The following HYDIN variants were observed in gnomAD, a reference collection of about 807,000 sequenced individuals.
HYDIN encodes the protein axonemal central pair apparatus protein HYDIN.
A neutral mutation model predicts 403.9 loss-of-function variants in HYDIN; 132 were observed. The ratio of observed to expected loss-of-function variants is 0.33; its 90% CI spans 0.28 to 0.38. The LOEUF is 0.38. Among genes scored for constraint, HYDIN ranks in the 10% least tolerant of loss-of-function variants. The probability of loss-of-function intolerance (pLI) is 1.00; values close to 1 mark genes in which losing one functional copy is unlikely to be tolerated. For synonymous variants in HYDIN, 1,202 were observed against 1,891.7 expected (o/e 0.64, Z 9.46); for missense variants, 2,827 against 5,009.5 (o/e 0.56, Z 13.15).
chr16:70,808,908 C>T (rs538275080), intron 85 of HYDIN, among the ~76,000 whole-genome samples: 31 of 152,272 alleles, frequency 2.0e-4, no homozygotes, highest in Admixed American at 7.2e-4. Context: ...TCTTGGCCCA[C>T]GTGGACCAAA....
chr16:71,199,549 C>T (rs2144701228), intron 1 of HYDIN, among the ~76,000 whole-genome samples: 1 of 152,294 alleles, frequency 6.6e-6, no homozygotes, highest in African/African-American at 2.4e-5. Context: ...GGCCTCTACC[C>T]TCCCCTAGAC....
chr16:71,089,784 G>T (rs1403715380), intron 11 of HYDIN, among the ~76,000 whole-genome samples: 6 of 151,892 alleles, frequency 4.0e-5, no homozygotes, highest in African/African-American at 1.5e-4. Flanking sequence ...AAGATGAGTG[G>T]TGAAAGGTGA....
In HYDIN at chr16:70,905,381, C is replaced by T. The variant is rs527262276; in HGVS notation, c.8517-1317G>A. Among the ~76,000 whole-genome samples the T allele has an allele frequency of 3.5e-4, 54 of 152,206 alleles. No homozygotes were observed. In the East Asian group the frequency reaches 9.7e-3, roughly 27 times the overall value. ...TGAACAGGCTTGGCACAGTGGCTCA[C>T]GCCTGTAATCCAGCACTTTGAGAGG... On this transcript the variant is annotated intron_variant, in intron 50 of 85. Transcript: ENST00000393567.
At chr16:70,961,048 T>C (rs1477674060) in intron 38 of HYDIN, among the ~76,000 whole-genome samples, 3 of 152,168 alleles carry the variant, frequency 2.0e-5, no homozygotes, top group Non-Finnish European at 4.4e-5. Context: ...TTTGTCACAA[T>C]TTCACTAGTT....
At chr16:70,862,339 G>A in intron 68 of HYDIN, 84 bp from the exon 69 acceptor site, 2 of 727,212 alleles carry the variant, frequency 2.8e-6, no homozygotes, top group Non-Finnish European at 4.5e-6. Flanking sequence ...GTCCTTAGGG[G>A]CCCTCTGCGG....
At position 70,881,706 on chromosome 16, in the gene HYDIN, T is replaced by C. The variant is rs565673486; in HGVS notation, c.10215+954A>G. Among the ~76,000 whole-genome samples the C allele has an allele frequency of 3.2e-4, 49 of 152,314 alleles. 1 individual carries two copies. The highest frequency in any genetic ancestry group is 6.8e-3 in the Middle Eastern group (2 of 294). The stretch of plus-strand genomic sequence containing the variant: ...TGTAGTCTCCCCAACCATACCTCTC[T>C]GCATTGACATTCCCCAGGAATGCAC... On this transcript the variant is annotated intron_variant, in intron 60 of 85. Transcript: ENST00000393567.
intron 36 of HYDIN, among the ~76,000 whole-genome samples, chr16:70,966,236 T>C (rs938127653): frequency 3.1e-4 from 47 of 152,290 alleles, no homozygotes; most frequent in African/African-American, 1.1e-3. Flanking sequence ...ACCTCCCACA[T>C]GCAAATCTCA....
rs1714623724 is a variant in HYDIN, at chr16:70,897,193, C to T, written c.9049-1113G>A. 3.9e-5 allele frequency among the ~76,000 whole-genome samples: 6 copies of T among 152,220 alleles called. No homozygotes were observed. In the South Asian group the frequency reaches 1.2e-3, roughly 32 times the overall value. ...ATCCCATCAAAAAGTGGGTAAATGA[C>T]ATGAACCAACTGTTGCCTCTTGAGG... is the stretch of plus-strand genomic sequence containing the variant. On this transcript the variant is annotated intron_variant, in intron 53 of 85. Transcript: ENST00000393567.
Position 70,803,817 on chromosome 16 carries a change from G to C in HYDIN, c.*3763C>G, listed in dbSNP as rs2034995883. 6.6e-6 allele frequency among the ~76,000 whole-genome samples: 1 copy of C among 152,136 alleles called. No homozygotes were observed. Among genetic ancestry groups the C allele is most frequent in the Admixed American group, 6.5e-5 (1 of 15,276 alleles). On this transcript the variant is annotated 3_prime_UTR_variant, in exon 86 of 86. Transcript: ENST00000393567. ...CTGACTTGAGGCTCCTAAAGAAGTG[G>C]TTAGACTTAGCATGCCACACTCACT... is the stretch of plus-strand genomic sequence containing the variant.
intron 18 of HYDIN, among the ~76,000 whole-genome samples, chr16:71,044,897 C>T (rs568557248): frequency 8.3e-4 from 125 of 150,412 alleles, no homozygotes; most frequent in African/African-American, 2.6e-3. Flanking sequence ...TTTCTTCTTC[C>T]GGTGATGATA....
chr16:70,872,399 C>T (rs1034472171), intron 64 of HYDIN, among the ~76,000 whole-genome samples: 1 of 146,008 alleles, frequency 6.8e-6, no homozygotes, highest in South Asian at 2.1e-4. Context: ...TCCATCCATC[C>T]ATCCATCCAT....
Position 71,067,324 on chromosome 16 carries a change from C to T in HYDIN, c.2041G>A (p.Gly681Arg), listed in dbSNP as rs759189522. 8.1e-6 allele frequency: 13 copies of T among 1,613,066 alleles called. No homozygotes were observed. Among genetic ancestry groups the T allele is most frequent in the East Asian group, 6.7e-5 (3 of 44,838 alleles). ...LALVVDVEGI[G>R]EEVLALLITA... is the part of the protein sequence containing the mutation. ...ATTAAGAGCGCCAGCACCTCTTCTC[C>T]GATGCCCTCCACGTCCACCACGAGT... The change falls in exon 15 of 86, where the codon GGA (glycine) becomes AGA (arginine). Residue 681 changes from glycine (G) to arginine (R), a missense_variant. Gly to Arg is a moderately radical substitution (Grantham distance 125). Transcript: ENST00000393567.
chr16:70,957,472 G>A (rs373222413), intron 39 of HYDIN, among the ~76,000 whole-genome samples: 2,538 of 151,908 alleles, frequency 0.017, 75 homozygotes, highest in African/African-American at 0.058. Context: ...GATTACAGGC[G>A]CCTGCTACCA....
At chr16:71,170,911 AG>A (rs2086436588) in intron 5 of HYDIN, among the ~76,000 whole-genome samples, 1 of 152,340 alleles carries the variant, frequency 6.6e-6, no homozygotes, top group African/African-American at 2.4e-5. Flanking sequence ...AGATTTGAAA[AG>A]GTGGGTGATG....
chr16:71,113,035 T>C (rs1412659654), intron 10 of HYDIN, among the ~76,000 whole-genome samples: 2 of 150,974 alleles, frequency 1.3e-5, no homozygotes, highest in Non-Finnish European at 1.5e-5. Context: ...ACATCTTGAT[T>C]TTGGTGGTTA....
chr16:71,058,726 T>A (rs538135781), intron 18 of HYDIN, among the ~76,000 whole-genome samples: 23 of 151,922 alleles, frequency 1.5e-4, no homozygotes, highest in African/African-American at 5.5e-4. Context: ...GACTAGCAGG[T>A]CTAAATGTCA....
At chr16:71,127,095 A>T (rs1267596647) in intron 9 of HYDIN, among the ~76,000 whole-genome samples, 1 of 152,252 alleles carries the variant, frequency 6.6e-6, no homozygotes, top group Non-Finnish European at 1.5e-5. Context: ...ACATAAATAA[A>T]GAATTCATTA....
At chr16:70,834,788 C>T (rs2143518990) in intron 78 of HYDIN, among the ~76,000 whole-genome samples, 1 of 151,446 alleles carries the variant, frequency 6.6e-6, no homozygotes, top group South Asian at 2.1e-4. Flanking sequence ...GTGGAGATTG[C>T]AGTGAGCTGA....
At chr16:71,030,684 G>A (rs1444012055) in intron 19 of HYDIN, among the ~76,000 whole-genome samples, 1 of 152,196 alleles carries the variant, frequency 6.6e-6, no homozygotes, top group African/African-American at 2.4e-5. Context: ...TCCTGCCTTG[G>A]CCTCCCAAAC....
Sources: allele counts gnomAD v4.1 joint callset (sites outside exome capture counted in the v4.1 genomes callset), GRCh38; gene constraint gnomAD v4.1.1; transcripts MANE v1.5; gene names NCBI Gene and HGNC (gene_info 2026-07-23, HGNC 2026-07-21).